Variants in CTTNBP2 observed in about 807,000 individuals in gnomAD.
CTTNBP2 encodes cortactin-binding protein 2.
Under a neutral mutation model 156.9 loss-of-function variants are expected in CTTNBP2, and 108 were observed. The ratio of observed to expected loss-of-function variants is 0.69; its 90% CI spans 0.59 to 0.81. The LOEUF (loss-of-function observed/expected upper bound fraction) is 0.81, where lower values mean the gene tolerates loss of function less well. Ranked by LOEUF, CTTNBP2 falls within the 30% of genes least tolerant of loss-of-function variation. The pLI is 0.00. For synonymous variants in CTTNBP2, 767 were observed against 751.8 expected (o/e 1.02, Z -0.33); for missense variants, 1,924 against 2,035.4 (o/e 0.95, Z 1.05).
intron 17 of CTTNBP2, among the ~76,000 whole-genome samples, chr7:117,726,076 G>A (rs1305124127): frequency 6.6e-6 from 1 of 152,132 alleles, no homozygotes; most frequent in Non-Finnish European, 1.5e-5. Context: ...GGAGGATGGG[G>A]GTCAATCAGC....
At chr7:117,844,953 T>C (rs10225057) in intron 2 of CTTNBP2, among the ~76,000 whole-genome samples, 45,812 of 151,950 alleles carry the variant, frequency 0.3, 7,307 homozygotes, top group East Asian at 0.5. Context: ...TTTGAAAGAA[T>C]CTAGGAGAAC....
chr7:117,801,977 T>C (rs1563021856), intron 3 of CTTNBP2, among the ~76,000 whole-genome samples: 1 of 151,826 alleles, frequency 6.6e-6, no homozygotes, highest in Admixed American at 6.6e-5. Flanking sequence ...TACATATGTA[T>C]ACATGTGCCA....
chr7:117,817,361 A>AATATATATATATATAT (rs59036381), intron 2 of CTTNBP2, among the ~76,000 whole-genome samples: 2 of 53,284 alleles, frequency 3.8e-5, no homozygotes, highest in African/African-American at 7.5e-5. Context: ...AAAAAAAAAA[A>AATATATATATATATAT]ATATATATAT....
intron 22 of CTTNBP2, among the ~76,000 whole-genome samples, chr7:117,716,473 G>C (rs1301884977): frequency 6.6e-6 from 1 of 152,084 alleles, no homozygotes; most frequent in Admixed American, 6.6e-5. Context: ...TTGGGTCCTA[G>C]AGACTGGCGT....
At chr7:117,774,829 A>G (rs1798008360) in intron 8 of CTTNBP2, among the ~76,000 whole-genome samples, 1 of 152,160 alleles carries the variant, frequency 6.6e-6, no homozygotes, top group East Asian at 1.9e-4. Flanking sequence ...TGCTAGAGAA[A>G]AGAAAAAAAA....
chr7:117,779,594 A>G (rs1198376379), intron 7 of CTTNBP2, among the ~76,000 whole-genome samples: 1 of 152,016 alleles, frequency 6.6e-6, no homozygotes, highest in Non-Finnish European at 1.5e-5. Flanking sequence ...CAGATTTCTC[A>G]AGTAATATAT....
At chr7:117,808,410 G>T (rs1800072998) in intron 3 of CTTNBP2, among the ~76,000 whole-genome samples, 1 of 152,114 alleles carries the variant, frequency 6.6e-6, no homozygotes, top group South Asian at 2.1e-4. Context: ...TGGCTTCAGA[G>T]CCTCAGTCCA....
At chr7:117,798,510 T>C (rs1799442912) in intron 3 of CTTNBP2, among the ~76,000 whole-genome samples, 1 of 152,080 alleles carries the variant, frequency 6.6e-6, no homozygotes, top group African/African-American at 2.4e-5. Flanking sequence ...AATCACAAAG[T>C]AATTTAGAAT....
chr7:117,791,279 C>A lies in CTTNBP2; in HGVS notation c.1917G>T (p.Trp639Cys). Residue 639 changes from tryptophan to cysteine, a missense_variant, in exon 4 of 23, where the codon TGG becomes TGT. Trp to Cys is a radical substitution (Grantham distance 215). Coordinates refer to ENST00000160373, the MANE Select transcript of CTTNBP2 (RefSeq NM_033427.3). ...GGTTCAGTCCGGGGGTTGCAGCAGG[C>A]CAGGCACCCACCTGAGACGTGGCCA... The part of the protein sequence containing the change: ...SALATSQVGA[W>C]PAATPGLNQP... 6.2e-7 allele frequency: 1 copy of A among 1,614,088 alleles called. No homozygotes were observed. The highest frequency in any genetic ancestry group is 1.1e-5 in the South Asian group (1 of 91,074).
intron 12 of CTTNBP2, among the ~76,000 whole-genome samples, chr7:117,755,040 G>A (rs1375988415): frequency 6.6e-6 from 1 of 152,206 alleles, no homozygotes; most frequent in African/African-American, 2.4e-5. Flanking sequence ...GAGAGACTGA[G>A]GCTAACATTC....
intron 2 of CTTNBP2, among the ~76,000 whole-genome samples, chr7:117,854,313 T>C (rs1803118732): frequency 2.0e-5 from 3 of 152,208 alleles, no homozygotes; most frequent in Non-Finnish European, 4.4e-5. Flanking sequence ...ACAGGAGAAT[T>C]CTGAAATACA....
chr7:117,772,188 AG>A (rs1298880356), intron 8 of CTTNBP2, among the ~76,000 whole-genome samples: 3 of 152,200 alleles, frequency 2.0e-5, no homozygotes, highest in Admixed American at 6.5e-5. Flanking sequence ...GGCAATGTAA[AG>A]GGAAGCAGAG....
chr7:117,732,641 C>G (rs918018412), intron 16 of CTTNBP2, among the ~76,000 whole-genome samples: 1 of 134,672 alleles, frequency 7.4e-6, no homozygotes, highest in Non-Finnish European at 1.6e-5. Flanking sequence ...CAGAGCAAGA[C>G]TCCGTCTCAA....
At chr7:117,829,245 G>T (rs1014720700) in intron 2 of CTTNBP2, among the ~76,000 whole-genome samples, 1 of 152,132 alleles carries the variant, frequency 6.6e-6, no homozygotes, top group Non-Finnish European at 1.5e-5. Context: ...CTCTATTCTG[G>T]AGCAGCTACT....
At chr7:117,813,141 C>A (rs1219695423) in intron 2 of CTTNBP2, among the ~76,000 whole-genome samples, 2 of 152,134 alleles carry the variant, frequency 1.3e-5, no homozygotes, top group Non-Finnish European at 2.9e-5. Context: ...GCTTTACCAA[C>A]CCAGTGTGAA....
chr7:117,757,673 A>G (rs566476406), intron 11 of CTTNBP2, among the ~76,000 whole-genome samples: 25 of 152,246 alleles, frequency 1.6e-4, no homozygotes, highest in Non-Finnish European at 3.2e-4. Context: ...GACAGACATT[A>G]CCATGGGTGT....
At chr7:117,785,532 T>C (rs1563004478) in intron 4 of CTTNBP2, among the ~76,000 whole-genome samples, 1 of 152,224 alleles carries the variant, frequency 6.6e-6, no homozygotes, top group African/African-American at 2.4e-5. Context: ...CACAGACCAA[T>C]TAAGACTATT....
intron 12 of CTTNBP2, among the ~76,000 whole-genome samples, chr7:117,754,760 A>G (rs1482152453): frequency 6.6e-6 from 1 of 152,226 alleles, no homozygotes; most frequent in African/African-American, 2.4e-5. Flanking sequence ...TATAGAATCA[A>G]CAACAGTTTT....
chr7:117,728,338 A>G, intron 16 of CTTNBP2, 71 bp from the exon 17 acceptor site: 1 of 1,134,938 alleles, frequency 8.8e-7, no homozygotes. Context: ...CCAAAATTAA[A>G]AATATAAAAC....
Sources: gnomAD v4.1 joint callset for allele counts (sites outside exome capture counted in the v4.1 genomes callset) on GRCh38, gnomAD v4.1.1 for gene constraint, MANE v1.5 for transcripts, NCBI Gene and HGNC (gene_info 2026-07-23, HGNC 2026-07-21) for gene names.